The following IMPG2 variants were observed in gnomAD, a reference collection of about 807,000 sequenced individuals.
The protein encoded by IMPG2 is interphotoreceptor matrix proteoglycan 2.
IMPG2 carries 91 observed loss-of-function variants against 129.2 expected under a neutral mutation model. That is an observed-to-expected ratio of 0.70 (90% CI 0.59 to 0.84). The LOEUF (loss-of-function observed/expected upper bound fraction) is 0.84. Ranked by LOEUF, IMPG2 falls within the 40% of genes least tolerant of loss-of-function variation. IMPG2 has a pLI of 0.00. For synonymous variants in IMPG2, 510 were observed against 517.7 expected (o/e 0.99, Z 0.20); for missense variants, 1,430 against 1,461.7 (o/e 0.98, Z 0.35).
chr3:101,270,715 G>C (rs959400354), intron 7 of IMPG2, among the ~76,000 whole-genome samples: 2 of 152,054 alleles, frequency 1.3e-5, no homozygotes, highest in Admixed American at 6.5e-5. Flanking sequence ...CAGGAGAATG[G>C]CGTGAACCCG....
chr3:101,273,695 T>C lies in IMPG2; in HGVS notation c.714A>G (p.Ala238=). 1 of 1,614,190 alleles carries C rather than the reference T, an allele frequency of 6.2e-7. No individual in the cohort carries two copies. Among genetic ancestry groups the C allele is most frequent in the Non-Finnish European group, 8.5e-7 (1 of 1,180,000 alleles). ...TACTGAATTCTGCAATCTGTTCACC[T>C]GCTGGTTTTGTGGCTTCTTCTATCA... ...ENVIEEATKP[A]GEQIAEFSIH... The change falls in exon 7 of 19, where the codon GCA becomes GCG. Residue 238 remains alanine (A), a synonymous_variant. Transcript: ENST00000193391.
At chr3:101,241,747 G>T (rs892245597) in intron 14 of IMPG2, among the ~76,000 whole-genome samples, 7 of 152,130 alleles carry the variant, frequency 4.6e-5, no homozygotes, top group African/African-American at 1.4e-4. Flanking sequence ...GACTTCTCTG[G>T]CCAGGTGCGG....
rs1365333334 is a variant in IMPG2 at position 101,257,753 on chromosome 3, G to T, written c.929C>A (p.Ala310Glu). 1 of 1,613,064 alleles carries T rather than the reference G, an allele frequency of 6.2e-7. No homozygotes were observed. The highest frequency in any genetic ancestry group is 8.5e-7 in the Non-Finnish European group (1 of 1,179,412). ...ENDSGVDVYY[A>E]VTFNGEAISN... ...GATGGCCTCACCATTGAAGGTAACT[G>T]CATAGTAAACATCTACGCCACTATG... The change falls in exon 10 of 19, where the codon GCA (alanine) becomes GAA (glutamate). Residue 310 changes from alanine to glutamate, a missense_variant. Physicochemically the swap from Ala to Glu is moderately radical, Grantham distance 107. Coordinates refer to ENST00000193391, the MANE Select transcript of IMPG2 (RefSeq NM_016247.4).
At chr3:101,228,676 G>C in intron 18 of IMPG2, 121 bp downstream of exon 18, 1 of 775,644 alleles carries the variant, frequency 1.3e-6, no homozygotes, top group Non-Finnish European at 2.3e-6. Context: ...AACAAATGTT[G>C]GTTATCACGG....
chr3:101,230,805 C>T (rs555007756), intron 16 of IMPG2, 152 bp downstream of exon 16: 4 of 684,498 alleles, frequency 5.8e-6, no homozygotes, highest in Non-Finnish European at 1.0e-5. Context: ...CAATTTGACA[C>T]CCCTTTGAGG....
rs748729628 is a variant in IMPG2 at position 101,224,584 on chromosome 3, A to T, written c.*2385T>A. 5 of 152,212 alleles carry T rather than the reference A, an allele frequency of 3.3e-5. No individual in the cohort carries two copies. Among genetic ancestry groups the T allele is most frequent in the Non-Finnish European group, 7.4e-5 (5 of 68,018 alleles). 9.4% of individuals were successfully genotyped at this position (152,212 alleles called of 1,614,324 possible). On this transcript the variant is annotated 3_prime_UTR_variant, in exon 19 of 19. Coordinates refer to ENST00000193391, the MANE Select transcript of IMPG2 (RefSeq NM_016247.4). ...AAGGTCTTTTAGAAAGAAGCTCTTT[A>T]GGGGTAGTTTTTTCCATCAAACTAA...
chr3:101,242,888 G>T lies in IMPG2; in HGVS notation c.2822C>A (p.Ser941Ter). 1 of 1,613,892 alleles carries T rather than the reference G, an allele frequency of 6.2e-7. No individual in the cohort carries two copies. The highest frequency in any genetic ancestry group is 1.1e-5 in the South Asian group (1 of 91,036). The change falls in exon 14 of 19, where the codon TCA becomes TAA. Residue 941 changes from serine (S) to a stop codon, truncating the protein, a stop_gained. Coordinates refer to ENST00000193391, the MANE Select transcript of IMPG2 (RefSeq NM_016247.4). LOFTEE classifies it high-confidence loss of function. ...TAAGTTCTGGAACCCCGTGAGATTT[G>T]ACTGGAGATAGGGAACCAGCTACAA... ...FLELLVPYLQ[S>*]NLTGFQNLEI...
At chr3:101,314,483 A>C (rs2107144915) in intron 2 of IMPG2, among the ~76,000 whole-genome samples, 1 of 152,214 alleles carries the variant, frequency 6.6e-6, no homozygotes, top group East Asian at 1.9e-4. Context: ...AACTATACCC[A>C]GCGTTTGGGT....
chr3:101,310,493 G>A (rs1299515488), intron 2 of IMPG2, among the ~76,000 whole-genome samples: 2 of 149,082 alleles, frequency 1.3e-5, no homozygotes, highest in Admixed American at 1.3e-4. Context: ...CAGGGAGATC[G>A]AGTACGCAGT....
At chr3:101,287,279 T>C (rs959797424) in intron 4 of IMPG2, among the ~76,000 whole-genome samples, 3 of 152,130 alleles carry the variant, frequency 2.0e-5, no homozygotes, top group Non-Finnish European at 2.9e-5. Context: ...TGCTCATGGA[T>C]TGGAAGAATC....
intron 4 of IMPG2, among the ~76,000 whole-genome samples, chr3:101,287,120 C>T (rs1706953706): frequency 6.6e-6 from 1 of 152,092 alleles, no homozygotes; most frequent in Admixed American, 6.6e-5. Flanking sequence ...TATTGTGTTA[C>T]TGTCAGGGTA....
At position 101,319,943 on chromosome 3, in the gene IMPG2, C is replaced by A. The variant is rs2058803393; in HGVS notation, c.86-111G>T. The A allele has an allele frequency of 2.6e-6, 3 of 1,132,716 alleles. No individual in the cohort carries two copies. The Admixed American group carries it at 5.7e-5, about 22-fold the overall frequency. The allele number at this position is 1,132,716 out of a possible 1,614,324, so 70.2% of individuals were successfully genotyped here. A position where few individuals can be genotyped will look rare whatever the true frequency, so the allele number is the denominator to read the frequency against. ...ACATTAAGATAGAGAAGCCAGTGCC[C>A]AAATCATAGGCAGGCATGCATATCT... On this transcript the variant is annotated intron_variant, in intron 1 of 18. Coordinates refer to ENST00000193391, the MANE Select transcript of IMPG2 (RefSeq NM_016247.4).
intron 3 of IMPG2, among the ~76,000 whole-genome samples, chr3:101,297,368 T>C (rs1225830218): frequency 6.6e-6 from 1 of 152,186 alleles, no homozygotes; most frequent in East Asian, 1.9e-4. Flanking sequence ...ATTGATTTTT[T>C]TTTTTGGAGG....
At chr3:101,275,642 A>G (rs1450168209) in intron 6 of IMPG2, 21 bp downstream of exon 6, 2 of 1,562,830 alleles carry the variant, frequency 1.3e-6, no homozygotes, top group Admixed American at 1.7e-5. Flanking sequence ...AAACTAACTA[A>G]CAAAACAGAG....
intron 11 of IMPG2, among the ~76,000 whole-genome samples, chr3:101,251,692 C>T (rs1158522016): frequency 6.6e-6 from 1 of 152,096 alleles, no homozygotes; most frequent in Non-Finnish European, 1.5e-5. Flanking sequence ...CCCAACATTC[C>T]TAGCTCTAAA....
At chr3:101,258,118 A>G (rs1706631801) in intron 9 of IMPG2, among the ~76,000 whole-genome samples, 1 of 151,982 alleles carries the variant, frequency 6.6e-6, no homozygotes, top group Non-Finnish European at 1.5e-5. Flanking sequence ...TTCTTTTCCT[A>G]TTAGCATTTT....
intron 14 of IMPG2, among the ~76,000 whole-genome samples, chr3:101,237,287 C>A (rs2107212526): frequency 6.6e-6 from 1 of 152,314 alleles, no homozygotes; most frequent in Non-Finnish European, 1.5e-5. Flanking sequence ...GCTGTAGGCG[C>A]AGTTTCAGCA....
In IMPG2 at chr3:101,245,858, G is replaced by C; in HGVS notation, c.1487C>G (p.Thr496Ser). Residue 496 changes from threonine to serine, a missense_variant, in exon 12 of 19, where the codon ACT becomes AGT. Physicochemically the swap from Thr to Ser is moderately conservative, Grantham distance 58 (BLOSUM62 1). Transcript: ENST00000193391. ...TTCCTCAGAAGCCACAGGCAAGCCA[G>C]TCTGAAGCACTGCCGGGGTGACAGA... Reference protein sequence around the residue: ...LHSVTPAVLQTGLPVASEERT... With the variant: ...LHSVTPAVLQSGLPVASEERT... The C allele has an allele frequency of 1.2e-6, 2 of 1,614,188 alleles. No individual in the cohort carries two copies. Among genetic ancestry groups the C allele is most frequent in the Non-Finnish European group, 1.7e-6 (2 of 1,180,014 alleles).
At chr3:101,236,471 G>A (rs1225109488) in intron 14 of IMPG2, among the ~76,000 whole-genome samples, 1 of 152,224 alleles carries the variant, frequency 6.6e-6, no homozygotes, top group South Asian at 2.1e-4. Flanking sequence ...GCAGAAGGTG[G>A]GTGATTTCTG....
Sources: allele counts gnomAD v4.1 joint callset (sites outside exome capture counted in the v4.1 genomes callset), GRCh38; gene constraint gnomAD v4.1.1; transcripts MANE v1.5; gene names NCBI Gene and HGNC (gene_info 2026-07-23, HGNC 2026-07-21).